RBFOX1: variants seen among roughly 807,000 people sequenced by gnomAD.
RBFOX1 encodes the protein RNA binding protein fox-1 homolog 1.
Under a neutral mutation model 57.7 loss-of-function variants are expected in RBFOX1, and 8 were observed. The ratio of observed to expected loss-of-function variants is 0.14; its 90% confidence interval spans 0.08 to 0.25. RBFOX1 has a LOEUF of 0.25. Among genes scored for constraint, RBFOX1 ranks in the 10% least tolerant of loss-of-function variants. The pLI, the probability that RBFOX1 is intolerant of heterozygous loss-of-function variation, is 1.00. For synonymous variants in RBFOX1, 326 were observed against 222.4 expected (o/e 1.47, Z -4.15); for missense variants, 611 against 548.5 (o/e 1.11, Z -1.14).
intron 3 of RBFOX1, among the ~76,000 whole-genome samples, chr16:6,920,993 T>G (rs1351293317): frequency 1.3e-5 from 2 of 152,172 alleles, no homozygotes; most frequent in Admixed American, 1.3e-4. Context: ...TGGATAAGTT[T>G]GCCCTTGTTT....
At chr16:6,808,359 T>A (rs1042901642) in intron 3 of RBFOX1, among the ~76,000 whole-genome samples, 2 of 152,028 alleles carry the variant, frequency 1.3e-5, no homozygotes, top group Admixed American at 6.6e-5. Context: ...TGAAGCACCC[T>A]TGTCACTCCC....
chr16:5,946,315 G>T lies in RBFOX1; in HGVS notation c.351+78980G>T, dbSNP rs2059399160. On this transcript the variant is annotated intron_variant, in intron 4 of 19. Coordinates refer to the RBFOX1 transcript ENST00000641259. The surrounding 1 kb of genome is among the most constrained non-coding windows in gnomAD (Gnocchi z 4.6). ...CCCTCATAGGGTTATTTGAGGCTCAGACTAAATGGATGTGAGTGTGTCTTC... is the reference window on the plus strand; with the variant it reads ...CCCTCATAGGGTTATTTGAGGCTCATACTAAATGGATGTGAGTGTGTCTTC... Among the ~76,000 whole-genome samples the T allele has an allele frequency of 6.6e-6, 1 of 152,192 alleles. No homozygotes were observed. The highest frequency in any genetic ancestry group is 1.5e-5 in the Non-Finnish European group (1 of 68,034).
In RBFOX1 at chr16:5,713,577, A is replaced by C. The variant is rs146335604; in HGVS notation, c.318+114616A>C. Among the ~76,000 whole-genome samples, 478 of 152,290 alleles carry C rather than the reference A, an allele frequency of 3.1e-3. 1 individual carries two copies. The highest frequency in any genetic ancestry group is 5.7e-3 in the Non-Finnish European group (385 of 68,022). The stretch of plus-strand genomic sequence containing the variant: ...TTTTAAGGTTCTAAAAGCCCAAACT[A>C]GTTGATCTGGAAATGCCCGGATCTT... On this transcript the variant is annotated intron_variant, in intron 3 of 19. Transcript: ENST00000641259.
At chr16:6,310,925 A>G (rs995464655) in intron 1 of RBFOX1, among the ~76,000 whole-genome samples, 4 of 151,850 alleles carry the variant, frequency 2.6e-5, no homozygotes, top group Admixed American at 2.0e-4. Flanking sequence ...AAAAAAGAAC[A>G]GAATCCCAGA....
intron 2 of RBFOX1, among the ~76,000 whole-genome samples, chr16:6,440,660 G>A (rs1420789771): frequency 6.6e-6 from 1 of 152,074 alleles, no homozygotes; most frequent in African/African-American, 2.4e-5. Context: ...AATTAGCTGG[G>A]TGTGGTACTG....
intron 3 of RBFOX1, among the ~76,000 whole-genome samples, chr16:6,934,382 G>C (rs1284608243): frequency 6.6e-6 from 1 of 152,088 alleles, no homozygotes; most frequent in African/African-American, 2.4e-5. Flanking sequence ...TTTACATGCA[G>C]AGAATATGTC....
chr16:5,591,539 C>T (rs996034817), intron 2 of RBFOX1, among the ~76,000 whole-genome samples: 3 of 152,184 alleles, frequency 2.0e-5, no homozygotes, highest in Admixed American at 1.3e-4. Flanking sequence ...GCGTGAGTCA[C>T]TGCGCCTGGT....
At chr16:6,866,539 C>CTTTTTTTTTTTTTTTTTT (rs1161474639) in intron 3 of RBFOX1, among the ~76,000 whole-genome samples, 3 of 49,086 alleles carry the variant, frequency 6.1e-5, no homozygotes, top group Non-Finnish European at 1.1e-4. Flanking sequence ...TTCTTTCCTT[C>CTTTTTTTTTTTTTTTTTT]TATTTTTTTT....
Position 5,467,178 on chromosome 16 carries a change from C to CTA in RBFOX1, c.220-37_220-36insAT, listed in dbSNP as rs1161757085. On this transcript the variant is annotated intron_variant, in intron 1 of 2. Transcript: ENST00000585867. ...TCAATGTAGACTCAATGTTTCTTCT[C>CTA]TCTCTCTCTCTCTCTCTCTTTTTTT... The CTA allele has an allele frequency of 3.2e-5, 45 of 1,420,578 alleles. No individual in the cohort carries two copies. The East Asian group carries it at 1.0e-3, about 33-fold the overall frequency. 88.0% of individuals were successfully genotyped at this position (1,420,578 alleles called of 1,614,324 possible). A position where few individuals can be genotyped will look rare whatever the true frequency, so the allele number is the denominator to read the frequency against.
intron 3 of RBFOX1, among the ~76,000 whole-genome samples, chr16:6,991,787 T>G (rs1398539734): frequency 6.6e-6 from 1 of 152,138 alleles, no homozygotes. Flanking sequence ...TCTGCCTGCT[T>G]AGGCCTTCCA....
upstream of RBFOX1, among the ~76,000 whole-genome samples, chr16:6,018,484 C>G (rs952686292): frequency 2.6e-5 from 4 of 152,168 alleles, no homozygotes; most frequent in Admixed American, 6.5e-5. Context: ...AGGACAATCC[C>G]TAGACCCCTT....
intron 3 of RBFOX1, among the ~76,000 whole-genome samples, chr16:6,699,858 C>G (rs1000894468): frequency 3.3e-5 from 5 of 152,108 alleles, no homozygotes; most frequent in Admixed American, 6.5e-5. Context: ...GGTCTGGGCA[C>G]TAAGGATAGC....
At chr16:7,203,116 C>T (rs528636092) in intron 4 of RBFOX1, among the ~76,000 whole-genome samples, 283 of 152,274 alleles carry the variant, frequency 1.9e-3, no homozygotes, top group African/African-American at 6.6e-3. Context: ...ATATTCATAA[C>T]AGCTAAAATA....
intron 4 of RBFOX1, among the ~76,000 whole-genome samples, chr16:7,345,602 A>T (rs969972133): frequency 6.6e-6 from 1 of 152,202 alleles, no homozygotes; most frequent in South Asian, 2.1e-4. Flanking sequence ...ATCATACAGA[A>T]CGCCAGTCAT....
chr16:7,499,444 G>T (rs1270629212), intron 4 of RBFOX1, among the ~76,000 whole-genome samples: 2 of 151,956 alleles, frequency 1.3e-5, no homozygotes, highest in Non-Finnish European at 2.9e-5. Flanking sequence ...CTGAGATACT[G>T]GGAGCTGGGA....
At chr16:7,071,460 T>C (rs1415894871) in intron 4 of RBFOX1, among the ~76,000 whole-genome samples, 1 of 152,066 alleles carries the variant, frequency 6.6e-6, no homozygotes, top group African/African-American at 2.4e-5. Flanking sequence ...TATATATGTA[T>C]TACATACATA....
chr16:5,399,731 C>T (rs1330524065), intron 1 of RBFOX1, among the ~76,000 whole-genome samples: 1 of 147,828 alleles, frequency 6.8e-6, no homozygotes, highest in Non-Finnish European at 1.5e-5. Context: ...GAGACCCTGT[C>T]TTAAAAAAAA....
chr16:6,745,709 G>C (rs75277181), intron 3 of RBFOX1, among the ~76,000 whole-genome samples: 1 of 152,166 alleles, frequency 6.6e-6, no homozygotes. Context: ...AGGAAATACT[G>C]GTGTTGCCCC....
chr16:6,689,555 C>T (rs767178754), intron 3 of RBFOX1, among the ~76,000 whole-genome samples: 41 of 152,004 alleles, frequency 2.7e-4, no homozygotes, highest in Non-Finnish European at 5.6e-4. Flanking sequence ...CTTATCTTTC[C>T]TGTAAGGTGC....
Sources: gnomAD v4.1 joint callset for allele counts (sites outside exome capture counted in the v4.1 genomes callset) on GRCh38, gnomAD v4.1.1 for gene constraint, Gnocchi (gnomAD v3.1) non-coding constraint, MANE v1.5 for transcripts, NCBI Gene and HGNC (gene_info 2026-07-23, HGNC 2026-07-21) for gene names.